Variants in CS observed in about 807,000 individuals in gnomAD.
CS encodes citrate synthase, mitochondrial.
In CS, 13 loss-of-function variants were observed where a neutral mutation model predicts 61.4. That is an observed-to-expected ratio of 0.21 (90% CI 0.14 to 0.34). CS has a LOEUF of 0.34. Ranked by LOEUF, CS falls within the 10% of genes least tolerant of loss-of-function variation. CS has a pLI of 1.00. For synonymous variants in CS, 159 were observed against 215.2 expected (o/e 0.74, Z 2.29); for missense variants, 278 against 573.4 (o/e 0.48, Z 5.26).
chr12:56,291,302 T>G, intron 1 of CS: 1 of 1,003,210 alleles, frequency 1.0e-6, no homozygotes, highest in South Asian at 3.8e-5. Flanking sequence ...GATAATTCCT[T>G]CCAGCTGTGG....
Position 56,273,223 on chromosome 12 carries a change from G to A in CS, c.1262C>T (p.Thr421Met). The change falls in exon 11 of 11, where the codon ACG becomes ATG. Residue 421 changes from threonine (T) to methionine (M), a missense_variant. By Grantham distance (81) the Thr-to-Met change is moderately conservative (BLOSUM62 -1). Coordinates refer to ENST00000351328, the MANE Select transcript of CS (RefSeq NM_004077.3). Reference protein sequence around the residue: ...YYGMTEMNYYTVLFGVSRALG... With the variant: ...YYGMTEMNYYMVLFGVSRALG... ...TGCTCGTGACACCCCAAACAGGACC[G>A]TGTAGTAATTCATCTCCGTCATGCC... 1.2e-6 allele frequency: 2 copies of A among 1,614,078 alleles called. No homozygotes were observed. The highest frequency in any genetic ancestry group is 2.2e-5 in the East Asian group (1 of 44,880).
chr12:56,276,729 CG>C (rs1214347565), intron 6 of CS, among the ~76,000 whole-genome samples: 1 of 152,080 alleles, frequency 6.6e-6, no homozygotes, highest in Non-Finnish European at 1.5e-5. Flanking sequence ...TTAGTAGAGA[CG>C]GGGTTTCTCC....
Position 56,276,210 on chromosome 12 carries a change from G to C in CS, c.589-15C>G. 1 of 1,611,736 alleles carries C rather than the reference G, an allele frequency of 6.2e-7. No individual in the cohort carries two copies. ...TCATAAATCAACTGACAGAAGAGGA[G>C]CAAGATGGAGAAAAAAAAAGGAATT... On this transcript the variant is annotated splice_polypyrimidine_tract_variant and intron_variant, in intron 6 of 10. Coordinates refer to ENST00000351328, the MANE Select transcript of CS (RefSeq NM_004077.3).
chr12:56,291,474 G>C (rs1250917704), intron 1 of CS, among the ~76,000 whole-genome samples: 1 of 152,108 alleles, frequency 6.6e-6, no homozygotes, highest in Non-Finnish European at 1.5e-5. Flanking sequence ...ATGGCCACCA[G>C]CAGAGCAAAT....
intron 1 of CS, among the ~76,000 whole-genome samples, chr12:56,295,832 C>A (rs2629446): frequency 1.3e-5 from 2 of 148,772 alleles, no homozygotes; most frequent in Non-Finnish European, 3.0e-5. Flanking sequence ...TGGGCGCCTA[C>A]AGTCCCAGCT....
chr12:56,292,468 G>A (rs1174717227), intron 1 of CS, among the ~76,000 whole-genome samples: 1 of 151,878 alleles, frequency 6.6e-6, no homozygotes, highest in Non-Finnish European at 1.5e-5. Flanking sequence ...CCAGCCAATG[G>A]AAACTGGAAC....
intron 6 of CS, among the ~76,000 whole-genome samples, chr12:56,282,109 G>A (rs1021494086): frequency 1.3e-5 from 2 of 152,142 alleles, no homozygotes; most frequent in Admixed American, 6.5e-5. Flanking sequence ...TGCCCGCCTT[G>A]GCCTCCCCAA....
At chr12:56,275,392 G>A in intron 7 of CS, 1 of 373,630 alleles carries the variant, frequency 2.7e-6, no homozygotes, top group Non-Finnish European at 5.0e-6. Flanking sequence ...GGCCAACATG[G>A]TGAAACCCCG....
intron 6 of CS, chr12:56,282,206 C>G: frequency 2.3e-6 from 1 of 431,108 alleles, no homozygotes; most frequent in Non-Finnish European, 4.0e-6. Context: ...GTCAGCCTAA[C>G]CAAACAAACA....
At chr12:56,274,457 A>C (rs1872582852) in intron 9 of CS, 1 of 219,314 alleles carries the variant, frequency 4.6e-6, no homozygotes, top group Non-Finnish European at 9.0e-6. Flanking sequence ...AACCTATTTA[A>C]AACTGTTTTT....
chr12:56,275,650 T>C (rs565247751), intron 7 of CS: 283 of 327,262 alleles, frequency 8.6e-4, no homozygotes, highest in Non-Finnish European at 1.4e-3. Context: ...AGGTTACTGG[T>C]TGATGATGCC....
At position 56,279,721 on chromosome 12, in the gene CS, G is replaced by A. The variant is rs573220326; in HGVS notation, c.588+2699C>T. 1.2e-4 allele frequency among the ~76,000 whole-genome samples: 18 copies of A among 151,184 alleles called. No homozygotes were observed. The South Asian group carries it at 2.9e-3, about 24-fold the overall frequency. ...GCGGAGCTTGCAATCAGCTGAGATC[G>A]CACCACTGCACTCCAGCCTGGGCAA... On this transcript the variant is annotated intron_variant, in intron 6 of 10. Transcript: ENST00000351328.
chr12:56,284,642 CT>C (rs1872882101), intron 3 of CS, among the ~76,000 whole-genome samples: 1 of 151,296 alleles, frequency 6.6e-6, no homozygotes, highest in South Asian at 2.1e-4. Context: ...TGGCTCACGC[CT>C]GTAATCCCAG....
At chr12:56,290,565 A>G (rs1157343056) in intron 1 of CS, among the ~76,000 whole-genome samples, 4 of 152,058 alleles carry the variant, frequency 2.6e-5, no homozygotes, top group Non-Finnish European at 5.9e-5. Context: ...TTTTTGCTAA[A>G]CCTGAAGCTT....
intron 1 of CS, among the ~76,000 whole-genome samples, chr12:56,287,846 C>T (rs561106480): frequency 1.3e-5 from 2 of 151,988 alleles, no homozygotes; most frequent in East Asian, 1.9e-4. Context: ...TTAGTAGAGA[C>T]GGGGTTTCAC....
Position 56,283,855 on chromosome 12 carries a change from C to G in CS, c.204G>C (p.Met68Ile), listed in dbSNP as rs561428964. ...TVVGQITVDM[M>I]YGGMRGMKGL... ...CCTTCATGCCTCTCATGCCACCATA[C>G]ATCTAAAGAGGATGAAGAAAGAAGG... Residue 68 changes from methionine to isoleucine, a missense_variant and splice_region_variant, in exon 4 of 11, where the codon ATG (methionine) becomes ATC (isoleucine). This residue lies in a region of CS where 223 missense variants were observed against 503.5 expected (regional missense o/e 0.44). Transcript: ENST00000351328. 1 of 1,609,330 alleles carries G rather than the reference C, an allele frequency of 6.2e-7. No individual in the cohort carries two copies. Among genetic ancestry groups the G allele is most frequent in the Admixed American group, 1.7e-5 (1 of 59,896 alleles).
intron 3 of CS, among the ~76,000 whole-genome samples, chr12:56,284,589 C>CT (rs562855498): frequency 0.01 from 1,440 of 139,574 alleles, 18 homozygotes; most frequent in African/African-American, 0.032. Context: ...TTTTGTATTT[C>CT]TTTTTTTTTT....
At chr12:56,288,526 G>C (rs532811439) in intron 1 of CS, among the ~76,000 whole-genome samples, 12 of 151,962 alleles carry the variant, frequency 7.9e-5, no homozygotes, top group Admixed American at 7.9e-4. Context: ...AGTAGAGACA[G>C]AGTTTCATCA....
At chr12:56,274,591 G>A in intron 9 of CS, 186 bp downstream of exon 9, 1 of 517,876 alleles carries the variant, frequency 1.9e-6, no homozygotes, top group Non-Finnish European at 3.4e-6. Context: ...AGCCTCCCAA[G>A]TAGGTGGGAC....
Sources: allele counts gnomAD v4.1 joint callset (sites outside exome capture counted in the v4.1 genomes callset), GRCh38; gene constraint gnomAD v4.1.1; regional missense constraint gnomAD v4.1.1; transcripts MANE v1.5; gene names NCBI Gene and HGNC (gene_info 2026-07-23, HGNC 2026-07-21).